The following PNPLA8 variants were observed in gnomAD, a reference collection of about 807,000 sequenced individuals.
The protein encoded by PNPLA8 is patatin like domain 8, phospholipase A2.
In PNPLA8, 39 loss-of-function variants were observed where a neutral mutation model predicts 76.9. That is an observed-to-expected ratio of 0.51 (90% CI 0.39 to 0.66). The LOEUF is 0.66. PNPLA8 is among the 30% of genes least tolerant of loss of function. PNPLA8 has a pLI of 0.00. For synonymous variants in PNPLA8, 301 were observed against 307.9 expected (o/e 0.98, Z 0.24); for missense variants, 887 against 918.0 (o/e 0.97, Z 0.44).
rs200835726 is a variant in PNPLA8 at position 108,510,903 on chromosome 7, C to A, written c.1206+3241G>T. The A allele has an allele frequency of 6.7e-4, 1,061 of 1,589,084 alleles. 6 individuals carry two copies. Among genetic ancestry groups the A allele is most frequent in the Middle Eastern group, 3.6e-3 (17 of 4,768 alleles). On this transcript the variant is annotated intron_variant, in intron 4 of 10. Transcript: ENST00000257694. Reference sequence around the variant, plus strand: ...CGAGGTGGAATGAAGAAAAAGACCACCCATTTTGTAGAAGGTGGAGATGCT... The same window carrying A: ...CGAGGTGGAATGAAGAAAAAGACCAACCATTTTGTAGAAGGTGGAGATGCT...
intron 2 of PNPLA8, among the ~76,000 whole-genome samples, chr7:108,520,609 A>G (rs1005967124): frequency 6.6e-6 from 1 of 152,248 alleles, no homozygotes; most frequent in African/African-American, 2.4e-5. Context: ...AATATTCCCA[A>G]GAAAAAATAA....
At position 108,515,516 on chromosome 7, in the gene PNPLA8, T is replaced by A. The variant is rs777136767; in HGVS notation, c.-25A>T. ...TAACTTAAAAATCATTTATTTTCTATGACATTCTCTCACTTCTTGAACGCT... is the reference window on the plus strand; with the variant it reads ...TAACTTAAAAATCATTTATTTTCTAAGACATTCTCTCACTTCTTGAACGCT... On this transcript the variant is annotated 5_prime_UTR_variant, in exon 3 of 11. Transcript: ENST00000257694. The A allele has an allele frequency of 1.0e-5, 14 of 1,371,596 alleles. No individual in the cohort carries two copies. The highest frequency in any genetic ancestry group is 2.1e-5 in the South Asian group (1 of 46,926). The allele number at this position is 1,371,596 out of a possible 1,614,324, so 85.0% of individuals were successfully genotyped here.
intron 10 of PNPLA8, among the ~76,000 whole-genome samples, chr7:108,474,016 C>T (rs1859805308): frequency 6.6e-6 from 1 of 152,032 alleles, no homozygotes; most frequent in South Asian, 2.1e-4. Context: ...TATATACATA[C>T]ATATGTTATA....
intron 10 of PNPLA8, 61 bp from the exon 11 acceptor site, chr7:108,472,736 G>C: frequency 1.7e-6 from 2 of 1,172,508 alleles, no homozygotes; most frequent in Admixed American, 5.5e-5. Context: ...AGTGAGCAAT[G>C]AACTGTTAAT....
At chr7:108,515,631 C>G (rs1863284237) in intron 2 of PNPLA8, 57 bp from the exon 3 acceptor site, 2 of 1,030,592 alleles carry the variant, frequency 1.9e-6, no homozygotes, top group Non-Finnish European at 2.5e-6. Context: ...TTGGGTATAA[C>G]AGAAAACACA....
At chr7:108,509,928 CA>C (rs1355189344) in intron 4 of PNPLA8, among the ~76,000 whole-genome samples, 119 of 142,438 alleles carry the variant, frequency 8.4e-4, no homozygotes, top group African/African-American at 3.0e-3. Context: ...ATCGCAAGAA[CA>C]AAAAACCAAA....
rs1026407844 is a variant in PNPLA8, at chr7:108,471,665, C to T, written c.*736G>A. The T allele has an allele frequency of 3.3e-5, 5 of 152,160 alleles. No individual in the cohort carries two copies. The highest frequency in any genetic ancestry group is 2.1e-4 in the South Asian group (1 of 4,822). 9.4% of individuals were successfully genotyped at this position (152,160 alleles called of 1,614,324 possible). On this transcript the variant is annotated 3_prime_UTR_variant, in exon 11 of 11. Coordinates refer to ENST00000257694, the MANE Select transcript of PNPLA8 (RefSeq NM_001256007.3). ...TTATTTTTGTTAATGATAGGAATAT[C>T]TCCTCAGTAAGTTCAAACCATTTTA...
At chr7:108,498,780 T>C (rs1308322472) in intron 5 of PNPLA8, among the ~76,000 whole-genome samples, 1 of 152,138 alleles carries the variant, frequency 6.6e-6, no homozygotes, top group Non-Finnish European at 1.5e-5. Context: ...AGGGTGTATG[T>C]ACCATGTAAA....
chr7:108,473,649 GAGA>G lies in PNPLA8; in HGVS notation c.2075-977_2075-975del, dbSNP rs1196510219. 6.6e-5 allele frequency among the ~76,000 whole-genome samples: 10 copies of G among 152,288 alleles called. No individual in the cohort carries two copies. The East Asian group carries it at 1.9e-3, about 29-fold the overall frequency. ...TATTTCCCTAATGACTAATTATGTT[GAGA>G]AGGTTTTCATGTACTTATTAGTCAT... is the stretch of plus-strand genomic sequence containing the variant. On this transcript the variant is annotated intron_variant, in intron 10 of 10. Transcript: ENST00000257694.
At chr7:108,479,407 C>T (rs1860236999) in intron 9 of PNPLA8, 28 bp from the exon 10 acceptor site, 5 of 1,501,918 alleles carry the variant, frequency 3.3e-6, no homozygotes, top group Non-Finnish European at 4.6e-6. Flanking sequence ...AAAAAAGAAA[C>T]TTTTAAAACT....
At chr7:108,510,626 C>G in intron 4 of PNPLA8, 1 of 1,563,208 alleles carries the variant, frequency 6.4e-7, no homozygotes, top group Non-Finnish European at 8.7e-7. Context: ...GACTAACATG[C>G]TGAGGATTGT....
Position 108,510,242 on chromosome 7 carries a change from G to T in PNPLA8, c.1206+3902C>A, listed in dbSNP as rs1862808460. The T allele has an allele frequency of 4.1e-6, 6 of 1,447,000 alleles. No individual in the cohort carries two copies. The Admixed American group carries it at 8.7e-5, about 21-fold the overall frequency. 89.6% of individuals were successfully genotyped at this position (1,447,000 alleles called of 1,614,324 possible). ...TTTTCCGGCTGGAACCATGGTGGGT[G>T]TAGAAGAGAAGAAGAAGGTTCCTGC... On this transcript the variant is annotated intron_variant, in intron 4 of 10. Transcript: ENST00000257694.
chr7:108,518,758 T>TATATATATAC (rs1554690263), intron 2 of PNPLA8, among the ~76,000 whole-genome samples: 6 of 123,070 alleles, frequency 4.9e-5, no homozygotes, highest in South Asian at 5.4e-4. Flanking sequence ...TATATATATA[T>TATATATATAC]ACACACACAC....
chr7:108,483,847 CTT>C (rs943048672), intron 9 of PNPLA8, among the ~76,000 whole-genome samples: 54 of 152,206 alleles, frequency 3.5e-4, no homozygotes, highest in African/African-American at 1.3e-3. Flanking sequence ...CAACTTTTTC[CTT>C]TGTTTTCAAT....
chr7:108,488,652 C>T (rs904701304), intron 8 of PNPLA8, among the ~76,000 whole-genome samples: 8 of 152,146 alleles, frequency 5.3e-5, no homozygotes, highest in African/African-American at 1.9e-4. Flanking sequence ...TGTTTCTGTG[C>T]TCTTTGAAAG....
At chr7:108,522,636 C>G (rs534287454) in intron 1 of PNPLA8, among the ~76,000 whole-genome samples, 1 of 152,108 alleles carries the variant, frequency 6.6e-6, no homozygotes, top group Non-Finnish European at 1.5e-5. Context: ...GTCACGGGTG[C>G]GTCCTTAAAC....
chr7:108,516,656 A>C (rs1431805765), intron 2 of PNPLA8, among the ~76,000 whole-genome samples: 2 of 152,194 alleles, frequency 1.3e-5, no homozygotes, highest in Non-Finnish European at 2.9e-5. Flanking sequence ...TAATCCCAGC[A>C]CTTTAGGAGG....
Position 108,514,843 on chromosome 7 carries a change from G to A in PNPLA8, c.649C>T (p.Arg217Cys), listed in dbSNP as rs774959636. 4.3e-5 allele frequency: 69 copies of A among 1,611,566 alleles called. No individual in the cohort carries two copies. Among genetic ancestry groups the A allele is most frequent in the Admixed American group, 1.3e-4 (8 of 59,884 alleles). The change falls in exon 3 of 11, where the codon CGT becomes TGT. Residue 217 changes from arginine to cysteine, a missense_variant. By Grantham distance (180) the Arg-to-Cys change is radical (BLOSUM62 -3). Transcript: ENST00000257694. ...LSNHINSYFK[R>C]KEKMSQQKEN... ...TTTTGTTGAGACATTTTTTCCTTAC[G>A]TTTGAAATATGAATTAATATGATTT... is the stretch of plus-strand genomic sequence containing the variant.
rs1385939964 is a variant in PNPLA8 at position 108,487,824 on chromosome 7, T to C, written c.1813A>G (p.Ile605Val). 6 of 1,613,694 alleles carry C rather than the reference T, an allele frequency of 3.7e-6. No homozygotes were observed. The East Asian group carries it at 1.1e-4, about 30-fold the overall frequency. Reference sequence around the variant, plus strand: ...CCTGGAGCAGCAGATGAGGCTCTAATGGCCTGCCACATTTTATACTGACAG... The same window carrying C: ...CCTGGAGCAGCAGATGAGGCTCTAACGGCCTGCCACATTTTATACTGACAG... ...GGCQYKMWQA[I>V]RASSAAPGYF... is the part of the protein sequence containing the mutation. Residue 605 changes from isoleucine (I) to valine (V), a missense_variant, in exon 9 of 11, where the codon ATT becomes GTT. By Grantham distance (29) the Ile-to-Val change is conservative. Coordinates refer to ENST00000257694, the MANE Select transcript of PNPLA8 (RefSeq NM_001256007.3).
Sources: gnomAD v4.1 joint callset for allele counts (sites outside exome capture counted in the v4.1 genomes callset) on GRCh38, gnomAD v4.1.1 for gene constraint, MANE v1.5 for transcripts, NCBI Gene and HGNC (gene_info 2026-07-23, HGNC 2026-07-21) for gene names.